Variants in ITIH4 observed in about 807,000 individuals in gnomAD.
ITIH4 encodes the protein inter-alpha-trypsin inhibitor heavy chain 4.
Under a neutral mutation model 111.8 loss-of-function variants are expected in ITIH4, and 79 were observed. The ratio of observed to expected loss-of-function variants is 0.71; its 90% CI spans 0.59 to 0.85. The LOEUF (loss-of-function observed/expected upper bound fraction) is 0.85, where lower values mean the gene tolerates loss of function less well. ITIH4 is among the 40% of genes least tolerant of loss of function. The probability of loss-of-function intolerance (pLI) is 0.00; values close to 1 mark genes in which losing one functional copy is unlikely to be tolerated. For synonymous variants in ITIH4, 472 were observed against 468.3 expected, an observed-to-expected ratio of 1.01 and a Z score of -0.10; for missense variants, 1,065 against 1,195.8, an observed-to-expected ratio of 0.89 and a Z score of 1.61.
intron 13 of ITIH4, 38 bp downstream of exon 13, chr3:52,820,593 T>G (rs570623670): frequency 3.8e-6 from 6 of 1,577,562 alleles, no homozygotes; most frequent in Non-Finnish European, 5.2e-6. Flanking sequence ...GTCCAAACTC[T>G]GCTACCTGGG....
intron 15 of ITIH4, 30 bp from the exon 16 acceptor site, chr3:52,819,822 C>T (rs1360248954): frequency 1.2e-6 from 2 of 1,613,732 alleles, no homozygotes. Context: ...TCAGATACAA[C>T]TGAACTGAGG....
At chr3:52,820,057 A>G in intron 14 of ITIH4, 67 bp from the exon 15 acceptor site, 1 of 1,523,414 alleles carries the variant, frequency 6.6e-7, no homozygotes, top group East Asian at 2.3e-5. Context: ...TTGGATGGGG[A>G]CTGTATTCTT....
chr3:52,827,325 C>G, intron 2 of ITIH4, 128 bp from the exon 3 acceptor site: 1 of 757,432 alleles, frequency 1.3e-6, no homozygotes, highest in Non-Finnish European at 2.3e-6. Flanking sequence ...TTTGCCTGAG[C>G]CCAGTGCCAT....
At chr3:52,819,307 G>T in intron 17 of ITIH4, 86 bp downstream of exon 17, 2 of 1,519,100 alleles carry the variant, frequency 1.3e-6, no homozygotes, top group Non-Finnish European at 1.8e-6. Context: ...CCTGTGGTGC[G>T]TGCTTTACCC....
chr3:52,826,072 C>T, intron 5 of ITIH4, 58 bp from the exon 6 acceptor site: 3 of 1,604,932 alleles, frequency 1.9e-6, no homozygotes, highest in Non-Finnish European at 2.6e-6. Flanking sequence ...CCAACAACAC[C>T]CTCTACCCCT....
In ITIH4 at chr3:52,829,117, A is replaced by G. The variant is rs111857870; in HGVS notation, c.251+2T>C. On this transcript the variant is annotated splice_donor_variant, in intron 2 of 23. Coordinates refer to ENST00000266041, the MANE Select transcript of ITIH4 (RefSeq NM_002218.5). LOFTEE classifies it high-confidence loss of function. ...AGGGGAGGAGGGTGGGAAGGCACCTACATGGAGAAGTTGGTGATGAAGGCT... is the reference window on the plus strand; with the variant it reads ...AGGGGAGGAGGGTGGGAAGGCACCTGCATGGAGAAGTTGGTGATGAAGGCT... 6.2e-7 allele frequency: 1 copy of G among 1,606,234 alleles called. No homozygotes were observed. The highest frequency in any genetic ancestry group is 1.7e-5 in the Admixed American group (1 of 59,780).
rs780145875 is a variant in ITIH4, at chr3:52,820,328, CAA to C, written c.1835-13_1835-12del. ...TCCTGTTTCTACTTTCTGGATAAAA[CAA>C]AGAGAGAGAGAGAGACAGACAGACA... On this transcript the variant is annotated splice_polypyrimidine_tract_variant and intron_variant, in intron 13 of 23. Transcript: ENST00000266041. The C allele has an allele frequency of 2.0e-5, 33 of 1,613,430 alleles. No individual in the cohort carries two copies. The highest frequency in any genetic ancestry group is 3.3e-5 in the Admixed American group (2 of 59,980).
intron 18 of ITIH4, 38 bp downstream of exon 18, chr3:52,818,424 T>A: frequency 6.3e-7 from 1 of 1,579,938 alleles, no homozygotes. Context: ...CCTCCCAGGA[T>A]CCCCCTGTTA....
chr3:52,824,487 C>T lies in ITIH4; in HGVS notation c.955G>A (p.Ala319Thr), dbSNP rs1465013589. 8 of 1,614,180 alleles carry T rather than the reference C, an allele frequency of 5.0e-6. No individual in the cohort carries two copies. The East Asian group carries it at 1.6e-4, about 31-fold the overall frequency. The change falls in exon 8 of 24, where the codon GCA (alanine) becomes ACA (threonine). Residue 319 changes from alanine (A) to threonine (T), a missense_variant. Coordinates refer to ENST00000266041, the MANE Select transcript of ITIH4 (RefSeq NM_002218.5). This position sits in a 1 kb window ranked among gnomAD's most constrained non-coding sequence, Gnocchi z 4.3. ...QFNLIVFSTE[A>T]TQWRPSLVPA... The stretch of plus-strand genomic sequence containing the variant: ...ACCAGTGATGGCCTCCACTGAGTTG[C>T]TTCTGTACTGAAGACGATGAGGTTG...
intron 21 of ITIH4, 61 bp from the exon 22 acceptor site, chr3:52,814,424 G>A: frequency 6.7e-7 from 1 of 1,486,638 alleles, no homozygotes; most frequent in Non-Finnish European, 9.3e-7. Context: ...AACCTCAGTA[G>A]TCAGGGTGGG....
chr3:52,826,979 C>G, intron 3 of ITIH4, 26 bp from the exon 4 acceptor site: 1 of 1,613,982 alleles, frequency 6.2e-7, no homozygotes, highest in Non-Finnish European at 8.5e-7. Context: ...ATCAGGCCTG[C>G]TCCTCCAGGA....
intron 21 of ITIH4, among the ~76,000 whole-genome samples, chr3:52,815,542 T>G (rs1700267788): frequency 1.3e-5 from 2 of 152,104 alleles, no homozygotes; most frequent in Non-Finnish European, 2.9e-5. Flanking sequence ...GTGCCCAACC[T>G]ATTTTTCTTT....
rs553615443 is a variant in ITIH4, at chr3:52,825,833, T to C, written c.759+53A>G. 4 of 1,574,706 alleles carry C rather than the reference T, an allele frequency of 2.5e-6. No individual in the cohort carries two copies. In the South Asian group the frequency reaches 4.7e-5, roughly 18 times the overall value. ...TTCTAAAATACCCAAGCTCAGGCCC[T>C]TGGGGGTGGACAGACTTCTAGGCTG... On this transcript the variant is annotated intron_variant, in intron 6 of 23. Transcript: ENST00000266041.
chr3:52,815,063 T>C (rs1211062715), intron 21 of ITIH4, among the ~76,000 whole-genome samples: 2 of 152,146 alleles, frequency 1.3e-5, no homozygotes, highest in Non-Finnish European at 2.9e-5. Flanking sequence ...CTCCTCAGAT[T>C]TTTAGTTAAA....
chr3:52,824,196 T>C lies in ITIH4; in HGVS notation c.1165A>G (p.Thr389Ala). 1 of 1,613,238 alleles carries C rather than the reference T, an allele frequency of 6.2e-7. No individual in the cohort carries two copies. The highest frequency in any genetic ancestry group is 8.5e-7 in the Non-Finnish European group (1 of 1,179,972). The stretch of plus-strand genomic sequence containing the variant: ...TCACGGGCAGGGCCCTCACCCACAG[T>C]GGGGTCGCCATCGGTGAGCAGGATG... ...LIILLTDGDP[T>A]VGETNPRSIQ... The change falls in exon 9 of 24, where the codon ACT becomes GCT. Residue 389 changes from threonine (T) to alanine (A), a missense_variant. Transcript: ENST00000266041. This position sits in a 1 kb window ranked among gnomAD's most constrained non-coding sequence, Gnocchi z 4.3.
intron 13 of ITIH4, 80 bp from the exon 14 acceptor site, chr3:52,820,397 G>T: frequency 6.8e-7 from 1 of 1,473,002 alleles, no homozygotes; most frequent in Non-Finnish European, 9.4e-7. Flanking sequence ...TCATCAATTT[G>T]AAGCGCTTGT....
chr3:52,820,906 C>A, intron 12 of ITIH4, 85 bp downstream of exon 12: 5 of 1,555,822 alleles, frequency 3.2e-6, no homozygotes, highest in Non-Finnish European at 4.4e-6. Context: ...TGCCAAGACC[C>A]CCCTCTCTCC....
Position 52,824,094 on chromosome 3 carries a change from C to A in ITIH4, c.1172-90G>T. The stretch of plus-strand genomic sequence containing the variant: ...CCTCAGAGCCGAGGGGCCTCAGTGA[C>A]CCCCTCTCCCTGCCCAGATCCCACA... On this transcript the variant is annotated intron_variant, in intron 9 of 23. Transcript: ENST00000266041. This position sits in a 1 kb window ranked among gnomAD's most constrained non-coding sequence, Gnocchi z 4.3. The A allele has an allele frequency of 6.4e-7, 1 of 1,567,356 alleles. No individual in the cohort carries two copies. The highest frequency in any genetic ancestry group is 8.7e-7 in the Non-Finnish European group (1 of 1,152,956).
intron 23 of ITIH4, among the ~76,000 whole-genome samples, 181 bp from the exon 24 acceptor site, chr3:52,813,671 T>A (rs996643462): frequency 2.6e-5 from 4 of 152,196 alleles, no homozygotes; most frequent in Middle Eastern, 3.2e-3. Flanking sequence ...GAGAAGCCAG[T>A]ACGTGAGGTC....
Sources: gnomAD v4.1 joint callset for allele counts (sites outside exome capture counted in the v4.1 genomes callset) on GRCh38, gnomAD v4.1.1 for gene constraint, Gnocchi (gnomAD v3.1) non-coding constraint, MANE v1.5 for transcripts, NCBI Gene and HGNC (gene_info 2026-07-23, HGNC 2026-07-21) for gene names.